NRG3: variants seen among roughly 807,000 people sequenced by gnomAD.
The protein encoded by NRG3 is pro-neuregulin-3, membrane-bound isoform.
Under a neutral mutation model 66.9 loss-of-function variants are expected in NRG3, and 31 were observed. The ratio of observed to expected loss-of-function variants is 0.46; its 90% CI spans 0.35 to 0.63. NRG3 has a LOEUF of 0.63. Among genes scored for constraint, NRG3 ranks in the 20% least tolerant of loss-of-function variants. The pLI, the probability that NRG3 is intolerant of heterozygous loss-of-function variation, is 0.00. For missense variants in NRG3, 910 were observed against 878.9 expected, an observed-to-expected ratio of 1.04 and a Z score of -0.45; for synonymous variants, 393 against 359.4, an observed-to-expected ratio of 1.09 and a Z score of -1.06.
chr10:81,916,342 T>G (rs74143879), intron 1 of NRG3, among the ~76,000 whole-genome samples: 1 of 152,324 alleles, frequency 6.6e-6, no homozygotes, highest in African/African-American at 2.4e-5. Context: ...CCATATAACT[T>G]GAATTTAATG....
At chr10:81,951,920 C>T (rs1046130443) in intron 1 of NRG3, among the ~76,000 whole-genome samples, 2 of 152,174 alleles carry the variant, frequency 1.3e-5, no homozygotes, top group Non-Finnish European at 2.9e-5. Flanking sequence ...GGCACATATA[C>T]ACCATGGAAT....
chr10:82,074,447 T>C (rs1182403073), intron 1 of NRG3, among the ~76,000 whole-genome samples: 1 of 152,198 alleles, frequency 6.6e-6, no homozygotes, highest in African/African-American at 2.4e-5. Flanking sequence ...TCATTTGTAT[T>C]TAAAATATAA....
chr10:82,884,519 C>T (rs1311112798), intron 4 of NRG3, among the ~76,000 whole-genome samples: 1 of 152,078 alleles, frequency 6.6e-6, no homozygotes, highest in Non-Finnish European at 1.5e-5. Flanking sequence ...TTTTAAAATG[C>T]CATTGTTGGT....
chr10:82,410,424 C>A (rs2087973819), intron 2 of NRG3, among the ~76,000 whole-genome samples: 1 of 147,978 alleles, frequency 6.8e-6, no homozygotes. Flanking sequence ...TCAGAAAAGG[C>A]CACATACTGT....
At chr10:82,277,666 G>A (rs2078921182) in intron 1 of NRG3, among the ~76,000 whole-genome samples, 1 of 151,862 alleles carries the variant, frequency 6.6e-6, no homozygotes, top group African/African-American at 2.4e-5. Context: ...GTATCCTATT[G>A]CTCCGTGCTG....
chr10:82,333,311 A>G (rs1175609391), intron 1 of NRG3, among the ~76,000 whole-genome samples: 1 of 152,234 alleles, frequency 6.6e-6, no homozygotes, highest in Non-Finnish European at 1.5e-5. Context: ...TACGTGTTCT[A>G]CTAAGAATAG....
intron 1 of NRG3, among the ~76,000 whole-genome samples, chr10:82,276,049 C>A (rs889400201): frequency 6.6e-6 from 1 of 152,074 alleles, no homozygotes; most frequent in African/African-American, 2.4e-5. Context: ...GCATAGGACA[C>A]AATTTTAAAT....
intron 1 of NRG3, among the ~76,000 whole-genome samples, chr10:82,020,093 A>T (rs2061992478): frequency 6.6e-6 from 1 of 151,870 alleles, no homozygotes; most frequent in Admixed American, 6.6e-5. Context: ...AAATTTCTAA[A>T]GGCTTTCAAA....
chr10:82,496,335 C>T (rs767586336), intron 2 of NRG3, among the ~76,000 whole-genome samples: 9 of 152,178 alleles, frequency 5.9e-5, no homozygotes, highest in Non-Finnish European at 8.8e-5. Flanking sequence ...CTAGTAATAA[C>T]ACCACTGTAA....
At chr10:82,288,905 C>T (rs1385704049) in intron 1 of NRG3, among the ~76,000 whole-genome samples, 3 of 152,198 alleles carry the variant, frequency 2.0e-5, no homozygotes, top group Admixed American at 6.5e-5. Context: ...TATAAATCCA[C>T]GTTTGGTCAC....
intron 2 of NRG3, among the ~76,000 whole-genome samples, chr10:82,470,219 A>T (rs1265720286): frequency 6.6e-6 from 1 of 152,220 alleles, no homozygotes; most frequent in Non-Finnish European, 1.5e-5. Context: ...TTGATCATTA[A>T]TATTTGCAGT....
intron 3 of NRG3, among the ~76,000 whole-genome samples, chr10:82,741,858 C>T (rs2058439469): frequency 1.3e-5 from 2 of 152,106 alleles, no homozygotes; most frequent in South Asian, 2.1e-4. Flanking sequence ...AACTCAATGA[C>T]CTGCGGCAAA....
At chr10:82,972,981 A>C (rs1285804535) in intron 6 of NRG3, among the ~76,000 whole-genome samples, 1 of 152,166 alleles carries the variant, frequency 6.6e-6, no homozygotes, top group Non-Finnish European at 1.5e-5. Flanking sequence ...ACTCTCTTTT[A>C]TTTTGATTAG....
At chr10:82,951,420 T>G (rs1381884733) in intron 4 of NRG3, 49 bp from the exon 5 acceptor site, 2 of 1,412,834 alleles carry the variant, frequency 1.4e-6, no homozygotes, top group Non-Finnish European at 2.0e-6. Flanking sequence ...AGATAGTTGC[T>G]GATGCACCCC....
chr10:82,776,392 A>G (rs1048352346), intron 3 of NRG3, among the ~76,000 whole-genome samples: 10 of 152,178 alleles, frequency 6.6e-5, no homozygotes, highest in Non-Finnish European at 1.0e-4. Context: ...TGATTATAAT[A>G]TGCCTCAGTG....
chr10:82,400,386 T>C (rs150522591), intron 2 of NRG3, among the ~76,000 whole-genome samples: 1 of 152,252 alleles, frequency 6.6e-6, no homozygotes, highest in East Asian at 1.9e-4. Flanking sequence ...CAAAATTTTA[T>C]CTACATACAA....
intron 1 of NRG3, among the ~76,000 whole-genome samples, chr10:81,953,857 ATACTGAC>A (rs1849590808): frequency 6.6e-6 from 1 of 152,196 alleles, no homozygotes; most frequent in East Asian, 1.9e-4. Flanking sequence ...AAGCAGGAAG[ATACTGAC>A]TCATTAACAT....
intron 1 of NRG3, among the ~76,000 whole-genome samples, chr10:82,325,521 T>C (rs1448970124): frequency 6.6e-6 from 1 of 152,216 alleles, no homozygotes; most frequent in African/African-American, 2.4e-5. Context: ...TCTGTTTTCA[T>C]TTATGCTTTT....
At chr10:82,185,218 A>G (rs947902803) in intron 1 of NRG3, among the ~76,000 whole-genome samples, 9 of 152,152 alleles carry the variant, frequency 5.9e-5, no homozygotes, top group Admixed American at 2.6e-4. Flanking sequence ...AAAAGAAAAA[A>G]AATTCTCTTA....
Sources: allele counts gnomAD v4.1 joint callset (sites outside exome capture counted in the v4.1 genomes callset), GRCh38; gene constraint gnomAD v4.1.1; transcripts MANE v1.5; gene names NCBI Gene and HGNC (gene_info 2026-07-23, HGNC 2026-07-21).